SMARCC1: variants seen among roughly 807,000 people sequenced by gnomAD.
SMARCC1 encodes the protein SWI/SNF related BAF chromatin remodeling complex subunit C1.
SMARCC1 carries 43 observed loss-of-function variants against 147.4 expected under a neutral mutation model. That is an observed-to-expected ratio of 0.29 (90% confidence interval 0.23 to 0.38). The LOEUF (loss-of-function observed/expected upper bound fraction) is 0.38. Among genes scored for constraint, SMARCC1 ranks in the 10% least tolerant of loss-of-function variants. The pLI is 1.00. For synonymous variants in SMARCC1, 495 were observed against 484.4 expected (o/e 1.02, Z -0.29); for missense variants, 1,119 against 1,381.1 (o/e 0.81, Z 3.01).
At chr3:47,681,183 G>A (rs1205976277) in intron 14 of SMARCC1, among the ~76,000 whole-genome samples, 2 of 152,122 alleles carry the variant, frequency 1.3e-5, no homozygotes, top group African/African-American at 4.8e-5. Context: ...GGCACGGCAT[G>A]GCAACAAACT....
At chr3:47,634,807 C>G (rs1470470662) in intron 24 of SMARCC1, among the ~76,000 whole-genome samples, 1 of 152,152 alleles carries the variant, frequency 6.6e-6, no homozygotes, top group Non-Finnish European at 1.5e-5. Context: ...GGCAAGGAAA[C>G]AGGTTTTTGT....
At chr3:47,677,066 G>T (rs775527024) in intron 16 of SMARCC1, among the ~76,000 whole-genome samples, 1 of 152,070 alleles carries the variant, frequency 6.6e-6, no homozygotes, top group Non-Finnish European at 1.5e-5. Flanking sequence ...GGTAATAAAA[G>T]AACTCACACA....
chr3:47,714,512 A>G (rs770918289), intron 7 of SMARCC1, 22 bp from the exon 8 acceptor site: 2 of 1,237,142 alleles, frequency 1.6e-6, no homozygotes, highest in South Asian at 1.3e-5. Flanking sequence ...TCAAAATGAG[A>G]AAAACAAATT....
At chr3:47,726,962 C>G (rs1271884434) in intron 6 of SMARCC1, among the ~76,000 whole-genome samples, 1 of 152,010 alleles carries the variant, frequency 6.6e-6, no homozygotes, top group East Asian at 1.9e-4. Context: ...CTAATACCAG[C>G]ACTTTGGGAG....
At chr3:47,700,177 TA>T (rs939777882) in intron 11 of SMARCC1, among the ~76,000 whole-genome samples, 92 of 146,410 alleles carry the variant, frequency 6.3e-4, no homozygotes, top group South Asian at 6.0e-3. Flanking sequence ...TAAAGTATAT[TA>T]AAAAAAAAAA....
chr3:47,638,471 T>C (rs2033003168), intron 22 of SMARCC1, among the ~76,000 whole-genome samples: 1 of 152,188 alleles, frequency 6.6e-6, no homozygotes, highest in East Asian at 1.9e-4. Context: ...TCATATTCCT[T>C]CTTCTTCTAA....
intron 21 of SMARCC1, among the ~76,000 whole-genome samples, chr3:47,659,282 T>TAAAAAAAAAAG (rs1420519580): frequency 3.0e-4 from 37 of 123,352 alleles, no homozygotes; most frequent in Non-Finnish European, 5.1e-4. Flanking sequence ...AAATAAAAAA[T>TAAAAAAAAAAG]AAAAAAAAAA....
intron 5 of SMARCC1, among the ~76,000 whole-genome samples, chr3:47,730,739 G>A (rs999972638): frequency 6.6e-6 from 1 of 151,782 alleles, no homozygotes; most frequent in Non-Finnish European, 1.5e-5. Flanking sequence ...GGTGGCAGAC[G>A]CCTATAATCC....
chr3:47,629,681 T>C (rs1329637550), intron 24 of SMARCC1, among the ~76,000 whole-genome samples: 1 of 152,114 alleles, frequency 6.6e-6, no homozygotes, highest in Admixed American at 6.6e-5. Flanking sequence ...AGAATGATGG[T>C]AGCCATCTCA....
intron 16 of SMARCC1, among the ~76,000 whole-genome samples, chr3:47,677,302 T>C (rs2033586631): frequency 6.6e-6 from 1 of 151,952 alleles, no homozygotes; most frequent in African/African-American, 2.4e-5. Context: ...GTTTTCGCCA[T>C]GTTGGCCAGA....
At chr3:47,632,648 C>A (rs2032908199) in intron 24 of SMARCC1, among the ~76,000 whole-genome samples, 1 of 151,176 alleles carries the variant, frequency 6.6e-6, no homozygotes, top group Non-Finnish European at 1.5e-5. Flanking sequence ...CCAGTCTCTA[C>A]AAAAAAATTT....
intron 14 of SMARCC1, among the ~76,000 whole-genome samples, chr3:47,683,268 A>G (rs1235132856): frequency 2.0e-5 from 3 of 151,566 alleles, no homozygotes; most frequent in African/African-American, 7.3e-5. Context: ...GGATGGTCTC[A>G]ATCTCCTGAC....
intron 14 of SMARCC1, among the ~76,000 whole-genome samples, chr3:47,682,102 T>C (rs1219549677): frequency 6.6e-6 from 1 of 151,794 alleles, no homozygotes; most frequent in Non-Finnish European, 1.5e-5. Context: ...GGTCTCATCC[T>C]GGGTAGCATG....
chr3:47,661,217 A>T, intron 21 of SMARCC1, 77 bp downstream of exon 21: 5 of 1,295,378 alleles, frequency 3.9e-6, no homozygotes, highest in Non-Finnish European at 4.3e-6. Context: ...TAGTGCAAGT[A>T]AACCCAATTA....
chr3:47,662,668 G>C (rs1215897298), intron 19 of SMARCC1, 76 bp from the exon 20 acceptor site: 6 of 1,235,096 alleles, frequency 4.9e-6, no homozygotes, highest in Non-Finnish European at 6.9e-6. Flanking sequence ...TCTTTAGATA[G>C]CTTTTTTAAA....
In SMARCC1 at chr3:47,586,903, G is replaced by C. The variant is rs1022526279; in HGVS notation, c.*1306C>G. On this transcript the variant is annotated 3_prime_UTR_variant, in exon 28 of 28. Coordinates refer to ENST00000254480, the MANE Select transcript of SMARCC1 (RefSeq NM_003074.4). The stretch of plus-strand genomic sequence containing the variant: ...CGAGCTCAAATTAAGGCATTTTTGT[G>C]GCTTGTCCTCTGGAATGGCATTCTA... The C allele has an allele frequency of 5.2e-5, 8 of 152,520 alleles. No individual in the cohort carries two copies. The highest frequency in any genetic ancestry group is 1.9e-4 in the African/African-American group (8 of 41,396). 9.4% of individuals were successfully genotyped at this position (152,520 alleles called of 1,614,324 possible). A position where few individuals can be genotyped will look rare whatever the true frequency, so the allele number is the denominator to read the frequency against.
intron 15 of SMARCC1, among the ~76,000 whole-genome samples, chr3:47,680,054 T>C (rs770023498): frequency 4.6e-5 from 7 of 151,756 alleles, no homozygotes; most frequent in Non-Finnish European, 1.0e-4. Flanking sequence ...AATAAACAGA[T>C]AGATAGATAA....
At chr3:47,663,557 C>T in intron 19 of SMARCC1, 1 of 1,216,880 alleles carries the variant, frequency 8.2e-7, no homozygotes, top group Non-Finnish European at 1.2e-6. Context: ...GCCAGCCTGA[C>T]AAACACAGCA....
rs2032544563 is a variant in SMARCC1 at position 47,610,257 on chromosome 3, T to G, written c.2852A>C (p.Glu951Ala). 3 of 1,614,216 alleles carry G rather than the reference T, an allele frequency of 1.9e-6. No individual in the cohort carries two copies. The highest frequency in any genetic ancestry group is 2.5e-6 in the Non-Finnish European group (3 of 1,180,040). The change falls in exon 26 of 28, where the codon GAA (glutamate) becomes GCA (alanine). Residue 951 changes from glutamate (E) to alanine (A), a missense_variant. Physicochemically the swap from Glu to Ala is moderately radical, Grantham distance 107. This residue lies in a region of SMARCC1 where 186 missense variants were observed against 216.5 expected (regional missense o/e 0.86). Coordinates refer to ENST00000254480, the MANE Select transcript of SMARCC1 (RefSeq NM_003074.4). ...TTCCATTTGCTGTCGTGCTCGTAAT[T>G]CAGCATACTTCAGCTGTTCCATGTG... ...NFHMEQLKYA[E>A]LRARQQMEQQ...
Sources: gnomAD v4.1 joint callset for allele counts (sites outside exome capture counted in the v4.1 genomes callset) on GRCh38, gnomAD v4.1.1 for gene constraint, gnomAD v4.1.1 regional missense constraint, MANE v1.5 for transcripts, NCBI Gene and HGNC (gene_info 2026-07-23, HGNC 2026-07-21) for gene names.